The following CETP variants were observed in gnomAD, a reference collection of about 807,000 sequenced individuals.
CETP encodes BPI fold containing family F.
Under a neutral mutation model 66.5 loss-of-function variants are expected in CETP, and 56 were observed. The observed-to-expected ratio is 0.84, with a 90% CI of 0.68 to 1.05. CETP has a LOEUF of 1.05. CETP is among the 50% of genes least tolerant of loss of function. The pLI, the probability that CETP is intolerant of heterozygous loss-of-function variation, is 0.00. For missense variants in CETP, 612 were observed against 609.6 expected (o/e 1.00, Z -0.04); for synonymous variants, 251 against 245.7 (o/e 1.02, Z -0.20).
chr16:56,981,698 G>A lies in CETP; in HGVS notation c.1248+18G>A. On this transcript the variant is annotated intron_variant, in intron 13 of 15. Coordinates refer to ENST00000200676, the MANE Select transcript of CETP (RefSeq NM_000078.3). ...TGACTGAGGTAGGTAGTCTTGGATA[G>A]ACTGGGGGAAATAAGTCCTGTGGGA... The A allele has an allele frequency of 6.2e-7, 1 of 1,613,560 alleles. No individual in the cohort carries two copies. The highest frequency in any genetic ancestry group is 1.7e-5 in the Admixed American group (1 of 60,024).
rs767785661 is a variant in CETP, at chr16:56,963,105, G to C, written c.214G>C (p.Val72Leu). ...GAAGGCCATGATGCTCCTTGGCCAAGTCAAGTATGGGTTGCACAAGTGAGT... is the reference window on the plus strand; with the variant it reads ...GAAGGCCATGATGCTCCTTGGCCAACTCAAGTATGGGTTGCACAAGTGAGT... ...GEKAMMLLGQ[V>L]KYGLHNIQIS... is the part of the protein sequence containing the mutation. Residue 72 changes from valine to leucine, a missense_variant, in exon 2 of 16, where the codon GTC (valine) becomes CTC (leucine). Transcript: ENST00000200676. 1.2e-5 allele frequency: 19 copies of C among 1,613,934 alleles called. No homozygotes were observed. The highest frequency in any genetic ancestry group is 1.4e-5 in the Non-Finnish European group (16 of 1,179,944).
chr16:56,983,432 A>C (rs1597009030), intron 15 of CETP, 21 bp downstream of exon 15: 1 of 1,612,132 alleles, frequency 6.2e-7, no homozygotes, highest in Non-Finnish European at 8.5e-7. Context: ...AGCCCCCCTC[A>C]CCAGCCCCTG....
rs1389040416 is a variant in CETP, at chr16:56,981,163, C to T, written c.1152C>T (p.Ile384=). ...AATTTGGTTTCTCTCCCCAGGATAT[C>T]GTGACTACCGTCCAGGCCTCCTATT... The part of the protein sequence containing the change: ...HSVAYTFEED[I]VTTVQASYSK... The change falls in exon 12 of 16, where the codon ATC becomes ATT. Residue 384 remains isoleucine, a synonymous_variant. Coordinates refer to ENST00000200676, the MANE Select transcript of CETP (RefSeq NM_000078.3). The T allele has an allele frequency of 1.1e-5, 18 of 1,612,944 alleles. No homozygotes were observed. The highest frequency in any genetic ancestry group is 3.3e-5 in the South Asian group (3 of 91,048).
At position 56,983,431 on chromosome 16, in the gene CETP, C is replaced by T. The variant is rs764567790; in HGVS notation, c.1407+20C>T. The stretch of plus-strand genomic sequence containing the variant: ...CGAGATGTGAGTACAAAGCCCCCCT[C>T]ACCAGCCCCTGTTCCTGGGGAGAGA... On this transcript the variant is annotated intron_variant, in intron 15 of 15. Transcript: ENST00000200676. 6.2e-7 allele frequency: 1 copy of T among 1,612,732 alleles called. No homozygotes were observed. The highest frequency in any genetic ancestry group is 1.1e-5 in the South Asian group (1 of 91,056).
At chr16:56,965,222 A>G (rs1343568276) in intron 2 of CETP, among the ~76,000 whole-genome samples, 1 of 152,270 alleles carries the variant, frequency 6.6e-6, no homozygotes, top group Non-Finnish European at 1.5e-5. Context: ...CCAGACTGCC[A>G]TAGACTAGAT....
intron 2 of CETP, among the ~76,000 whole-genome samples, chr16:56,967,666 A>C (rs572434446): frequency 1.4e-4 from 21 of 147,796 alleles, no homozygotes; most frequent in Non-Finnish European, 2.7e-4. Flanking sequence ...AAAAAAAAAA[A>C]AAAAACAATG....
At chr16:56,964,476 GA>G (rs1156906737) in intron 2 of CETP, among the ~76,000 whole-genome samples, 7 of 152,198 alleles carry the variant, frequency 4.6e-5, no homozygotes, top group Non-Finnish European at 1.0e-4. Context: ...CTCAGTATCG[GA>G]AACTCAGCCA....
intron 9 of CETP, among the ~76,000 whole-genome samples, chr16:56,973,782 T>C (rs550462188): frequency 1.3e-5 from 2 of 152,214 alleles, no homozygotes; most frequent in East Asian, 1.9e-4. Flanking sequence ...GCCGGGAGCA[T>C]GGGTAAGACT....
chr16:56,966,989 G>C (rs1383930878), intron 2 of CETP, among the ~76,000 whole-genome samples: 2 of 152,042 alleles, frequency 1.3e-5, no homozygotes, highest in African/African-American at 2.4e-5. Context: ...CAAGAATTTA[G>C]TCATCCAAGG....
At chr16:56,974,054 G>T (rs572048810) in intron 9 of CETP, among the ~76,000 whole-genome samples, 3 of 152,342 alleles carry the variant, frequency 2.0e-5, no homozygotes, top group Non-Finnish European at 4.4e-5. Flanking sequence ...GCTTAGGTCA[G>T]GTAGGCCCAG....
chr16:56,970,090 G>A (rs936016057), intron 5 of CETP, 89 bp downstream of exon 5: 2 of 1,303,788 alleles, frequency 1.5e-6, no homozygotes, highest in Non-Finnish European at 2.2e-6. Flanking sequence ...CCCCACACAG[G>A]GCATGCTTGT....
At chr16:56,970,772 C>T (rs986617652) in intron 5 of CETP, among the ~76,000 whole-genome samples, 6 of 152,190 alleles carry the variant, frequency 3.9e-5, no homozygotes, top group South Asian at 2.1e-4. Flanking sequence ...TGAATTTGGA[C>T]TCTAGACACG....
chr16:56,962,280 C>G, intron 1 of CETP, 183 bp downstream of exon 1: 1 of 741,808 alleles, frequency 1.3e-6, no homozygotes, highest in Non-Finnish European at 2.5e-6. Context: ...ACCTCGCCTT[C>G]AAGGTCAAGT....
intron 5 of CETP, 149 bp from the exon 6 acceptor site, chr16:56,970,884 C>G (rs1299055197): frequency 3.9e-6 from 3 of 769,162 alleles, no homozygotes; most frequent in Non-Finnish European, 6.8e-6. Context: ...GCTCCGTGTT[C>G]TCAGCTGCAA....
At position 56,975,092 on chromosome 16, in the gene CETP, T is replaced by C. The variant is rs1305225491; in HGVS notation, c.931-9T>C. The C allele has an allele frequency of 9.3e-6, 15 of 1,614,076 alleles. No homozygotes were observed. The highest frequency in any genetic ancestry group is 1.1e-5 in the Non-Finnish European group (13 of 1,179,932). ...CCACCCACCCTCCAACTTCCTCATTTCTTTTCAGGCAGTGCTGGAGACCTG... is the reference window on the plus strand; with the variant it reads ...CCACCCACCCTCCAACTTCCTCATTCCTTTTCAGGCAGTGCTGGAGACCTG... On this transcript the variant is annotated splice_polypyrimidine_tract_variant and intron_variant, in intron 9 of 15. Transcript: ENST00000200676.
At position 56,973,324 on chromosome 16, in the gene CETP, C is replaced by T; in HGVS notation, c.751-7C>T. 1 of 1,614,126 alleles carries T rather than the reference C, an allele frequency of 6.2e-7. No homozygotes were observed. The highest frequency in any genetic ancestry group is 8.5e-7 in the Non-Finnish European group (1 of 1,180,010). ...CAGGGTCCAGCCAGCGTCCTGGCTT[C>T]CTCCAGGGTCATTTCATCTACAAGA... On this transcript the variant is annotated splice_region_variant and splice_polypyrimidine_tract_variant and intron_variant, in intron 8 of 15. Transcript: ENST00000200676.
At chr16:56,967,294 T>C (rs995462366) in intron 2 of CETP, among the ~76,000 whole-genome samples, 6 of 151,212 alleles carry the variant, frequency 4.0e-5, no homozygotes, top group African/African-American at 1.5e-4. Flanking sequence ...TGCAGTGAGC[T>C]GAGATTGCCC....
At chr16:56,967,792 C>A (rs191115961) in intron 2 of CETP, among the ~76,000 whole-genome samples, 3 of 151,888 alleles carry the variant, frequency 2.0e-5, no homozygotes, top group South Asian at 2.1e-4. Flanking sequence ...TGAGACCCCC[C>A]CAATCTGCAC....
chr16:56,981,324 GC>G (rs2056185978), intron 12 of CETP, 99 bp downstream of exon 12: 1 of 1,011,014 alleles, frequency 9.9e-7, no homozygotes, highest in Non-Finnish European at 1.6e-6. Context: ...GGGAAATGTG[GC>G]CCCTTTCTTC....
Sources: allele counts gnomAD v4.1 joint callset (sites outside exome capture counted in the v4.1 genomes callset), GRCh38; gene constraint gnomAD v4.1.1; transcripts MANE v1.5; gene names NCBI Gene and HGNC (gene_info 2026-07-23, HGNC 2026-07-21).